The following AKAP19 variants were observed in gnomAD, a reference collection of about 807,000 sequenced individuals.
AKAP19 encodes A-kinase anchoring protein 19.
At chr2:190,050,698 G>T in the AKAP19 span, among the ~76,000 whole-genome samples, 1 of 152,156 alleles carries the variant, frequency 6.6e-6, no homozygotes, top group Non-Finnish European at 1.5e-5. Flanking sequence ...CAAATACAAA[G>T]AAATAGTAAA....
chr2:189,918,846 T>C, the AKAP19 span, among the ~76,000 whole-genome samples: 1 of 152,190 alleles, frequency 6.6e-6, no homozygotes, highest in Non-Finnish European at 1.5e-5. Context: ...TACTGGCACA[T>C]AGTATAGTGT....
the AKAP19 span, among the ~76,000 whole-genome samples, chr2:189,913,059 A>C: frequency 6.6e-6 from 1 of 152,196 alleles, no homozygotes; most frequent in Non-Finnish European, 1.5e-5. Flanking sequence ...GAATAAGCAA[A>C]TGTATATATT....
chr2:189,907,381 C>T, the AKAP19 span, among the ~76,000 whole-genome samples: 1 of 152,176 alleles, frequency 6.6e-6, no homozygotes, highest in Non-Finnish European at 1.5e-5. Flanking sequence ...CTGGAATGCT[C>T]TTCCTCAGGA....
At chr2:190,128,437 A>G in the AKAP19 span, among the ~76,000 whole-genome samples, 1 of 152,194 alleles carries the variant, frequency 6.6e-6, no homozygotes, top group African/African-American at 2.4e-5. Flanking sequence ...CTACCCAGCT[A>G]ATCTATGGTC....
the AKAP19 span, among the ~76,000 whole-genome samples, chr2:189,898,197 A>T: frequency 6.6e-6 from 1 of 151,824 alleles, no homozygotes; most frequent in Non-Finnish European, 1.5e-5. Context: ...GTCTCCAAAA[A>T]ATGAAAAAAA....
the AKAP19 span, among the ~76,000 whole-genome samples, chr2:189,893,089 G>A: frequency 6.6e-6 from 1 of 152,236 alleles, no homozygotes; most frequent in South Asian, 2.1e-4. Flanking sequence ...TCCCCCTACT[G>A]AGTTCAGGTG....
chr2:189,890,113 T>C, the AKAP19 span, among the ~76,000 whole-genome samples: 1 of 152,332 alleles, frequency 6.6e-6, no homozygotes, highest in South Asian at 2.1e-4. Flanking sequence ...CCAGAGATTC[T>C]GGTACTTTGT....
At chr2:190,194,803 T>G in the AKAP19 span, among the ~76,000 whole-genome samples, 1 of 152,140 alleles carries the variant, frequency 6.6e-6, no homozygotes, top group African/African-American at 2.4e-5. Flanking sequence ...CCCTTTCAGA[T>G]TGGCTTAACT....
the AKAP19 span, among the ~76,000 whole-genome samples, chr2:190,149,417 T>A: frequency 6.6e-6 from 1 of 152,208 alleles, no homozygotes; most frequent in Non-Finnish European, 1.5e-5. Context: ...GACCTTAGAA[T>A]GTGAGTTTGT....
the AKAP19 span, among the ~76,000 whole-genome samples, chr2:189,905,616 G>T: frequency 6.6e-6 from 1 of 151,890 alleles, no homozygotes; most frequent in Non-Finnish European, 1.5e-5. Flanking sequence ...GTTAAAAAAT[G>T]CTTCCTCCCC....
the AKAP19 span, among the ~76,000 whole-genome samples, chr2:189,940,427 C>T: frequency 3.3e-5 from 5 of 149,952 alleles, no homozygotes; most frequent in South Asian, 2.1e-4. Flanking sequence ...GCCTGGGCAA[C>T]GGGGGGGAAA....
chr2:190,080,381 C>A, the AKAP19 span, among the ~76,000 whole-genome samples: 1 of 152,194 alleles, frequency 6.6e-6, no homozygotes, highest in African/African-American at 2.4e-5. Flanking sequence ...GTGGTAAGTG[C>A]TCTTCTGAAG....
chr2:190,078,704 C>G, the AKAP19 span, among the ~76,000 whole-genome samples: 5 of 151,962 alleles, frequency 3.3e-5, no homozygotes, highest in African/African-American at 1.2e-4. Flanking sequence ...ATAAATTTTA[C>G]TTTTTATCCA....
At chr2:190,080,582 T>G in the AKAP19 span, among the ~76,000 whole-genome samples, 1 of 152,216 alleles carries the variant, frequency 6.6e-6, no homozygotes, top group Non-Finnish European at 1.5e-5. Context: ...AATGTTCACA[T>G]CTAGTTCCAG....
At chr2:189,996,641 G>T in the AKAP19 span, among the ~76,000 whole-genome samples, 179 of 152,240 alleles carry the variant, frequency 1.2e-3, 1 homozygote, top group Middle Eastern at 3.4e-3. Flanking sequence ...GGGAGCTAGT[G>T]AAGTCTTTTG....
the AKAP19 span, among the ~76,000 whole-genome samples, chr2:190,133,098 C>G: frequency 2.0e-5 from 3 of 151,570 alleles, no homozygotes; most frequent in Non-Finnish European, 4.4e-5. Context: ...ATTAGCCGGG[C>G]GTGGTGGCGG....
chr2:190,044,864 G>A, the AKAP19 span, among the ~76,000 whole-genome samples: 13 of 152,092 alleles, frequency 8.5e-5, no homozygotes, highest in Non-Finnish European at 1.5e-4. Context: ...GTCTGTTGCC[G>A]GCCCAAAGGC....
chr2:189,942,412 TC>T, the AKAP19 span, among the ~76,000 whole-genome samples: 1 of 152,218 alleles, frequency 6.6e-6, no homozygotes, highest in African/African-American at 2.4e-5. Context: ...TGAAGAACCA[TC>T]AGCCAATTAA....
the AKAP19 span, among the ~76,000 whole-genome samples, chr2:190,115,291 ATATATATATATTTTTTTTTTTTTTTT>A: frequency 1.4e-4 from 1 of 7,218 alleles, no homozygotes; most frequent in African/African-American, 6.7e-4. Context: ...ATATATATAT[ATATATATATATTTTTTTTTTTTTTTT>A]TTTTTTTTTT....
Sources: gnomAD v4.1 joint callset for allele counts (sites outside exome capture counted in the v4.1 genomes callset) on GRCh38, gnomAD v4.1.1 for gene constraint, MANE v1.5 for transcripts, NCBI Gene and HGNC (gene_info 2026-07-23, HGNC 2026-07-21) for gene names.